TMEM275: variants seen among roughly 807,000 people sequenced by gnomAD.
TMEM275 encodes the protein transmembrane protein 275.
exon 2 of TMEM275, chr1:46,532,990 T>C: frequency 5.0e-6 from 2 of 396,206 alleles, no homozygotes; most frequent in Non-Finnish European, 8.9e-6. Context: ...GGGGCCCTGG[T>C]CCGCTAGGGG....
intron 1 of TMEM275, among the ~76,000 whole-genome samples, chr1:46,534,792 T>C (rs1666716660): frequency 6.6e-6 from 1 of 152,092 alleles, no homozygotes; most frequent in African/African-American, 2.4e-5. Flanking sequence ...AGTAATCAGA[T>C]GGTACCGCGG....
At position 46,534,526 on chromosome 1, in the gene TMEM275, C is replaced by A. The variant is rs970505335; in HGVS notation, c.-123-876G>T. Among the ~76,000 whole-genome samples the A allele has an allele frequency of 2.6e-5, 4 of 152,176 alleles. No individual in the cohort carries two copies. The highest frequency in any genetic ancestry group is 2.0e-4 in the Admixed American group (3 of 15,276). On this transcript the variant is annotated intron_variant, in intron 1 of 1. In the 5' UTR this introduces an upstream ATG that the reference lacks. Transcript: ENST00000634804. ...GCCTAATTGCTGGATGCTAGAATTC[C>A]TTTCTAGGATTCTCTAGATGTCTCT...
chr1:46,534,284 G>A (rs534802058), intron 1 of TMEM275, among the ~76,000 whole-genome samples, 171 bp downstream of exon 2: 1 of 152,154 alleles, frequency 6.6e-6, no homozygotes, highest in Non-Finnish European at 1.5e-5. Context: ...TGACTCTCCT[G>A]AACATCAGAT....
Position 46,533,050 on chromosome 1 carries a change from C to T in TMEM275, c.478G>A (p.Ala160Thr). 1 of 395,908 alleles carries T rather than the reference C, an allele frequency of 2.5e-6. No homozygotes were observed. Among genetic ancestry groups the T allele is most frequent in the East Asian group, 3.6e-5 (1 of 27,916 alleles). 24.5% of individuals were successfully genotyped at this position (395,908 alleles called of 1,614,324 possible). A position where few individuals can be genotyped will look rare whatever the true frequency, so the allele number is the denominator to read the frequency against. ...AGCTGGACTCCTTCCGAGCGCAGCG[C>T]GCAGACGGCCGCGGGCGCCGGGGCC... The change falls in exon 2 of 2, where the codon GCG becomes ACG. Residue 160 changes from alanine (A) to threonine (T), a missense_variant. Transcript: ENST00000634804. The surrounding 1 kb of genome is among the most constrained non-coding windows in gnomAD (Gnocchi z 4.4).
At chr1:46,534,704 G>A (rs1272313855) in intron 1 of TMEM275, among the ~76,000 whole-genome samples, 121 bp from the exon 2 acceptor site, 2 of 152,190 alleles carry the variant, frequency 1.3e-5, no homozygotes, top group Non-Finnish European at 2.9e-5. Flanking sequence ...CTCAAAGGAC[G>A]AGATCTTAGC....
chr1:46,533,360 C>T lies in TMEM275; in HGVS notation c.168G>A (p.Leu56=). The change falls in exon 2 of 2, where the codon TTG becomes TTA. Residue 56 remains leucine (L), a synonymous_variant. Transcript: ENST00000634804. This position sits in a 1 kb window ranked among gnomAD's most constrained non-coding sequence, Gnocchi z 4.4. ...CGACGAGCAGCGCGTTGTGCTCGGG[C>T]AAGAAGGAGGCGAAGGCGCCTGCCA... is the stretch of plus-strand genomic sequence containing the variant. 1 of 377,482 alleles carries T rather than the reference C, an allele frequency of 2.6e-6. No individual in the cohort carries two copies. Among genetic ancestry groups the T allele is most frequent in the Non-Finnish European group, 4.7e-6 (1 of 212,354 alleles). The allele number at this position is 377,482 out of a possible 1,614,324, so 23.4% of individuals were successfully genotyped here.
rs1181314474 is a variant in TMEM275, at chr1:46,533,162, C to T, written c.366G>A (p.Gln122=). ...GGCTGAGCTGCACGGCCGTGGTGTC[C>T]TGTGCCGTGGGCTCGCTGCTCTCCA... Residue 122 remains glutamine (Q), a synonymous_variant, in exon 2 of 2, where the codon CAG becomes CAA. Coordinates refer to ENST00000634804, the Ensembl canonical transcript of TMEM275. This position sits in a 1 kb window ranked among gnomAD's most constrained non-coding sequence, Gnocchi z 4.4. 1 of 384,076 alleles carries T rather than the reference C, an allele frequency of 2.6e-6. No homozygotes were observed. Among genetic ancestry groups the T allele is most frequent in the Non-Finnish European group, 4.6e-6 (1 of 217,700 alleles). 23.8% of individuals were successfully genotyped at this position (384,076 alleles called of 1,614,324 possible).
chr1:46,532,233 G>A (rs1666676380), exon 2 of TMEM275: 1 of 152,404 alleles, frequency 6.6e-6, no homozygotes, highest in Admixed American at 6.5e-5. Flanking sequence ...AGTCAGGGTG[G>A]GTGGGGGCCA....
rs540845390 is a variant in TMEM275, at chr1:46,535,336, C to T, written c.-123-1686G>A. Among the ~76,000 whole-genome samples the T allele has an allele frequency of 2.5e-4, 38 of 152,320 alleles. No individual in the cohort carries two copies. The highest frequency in any genetic ancestry group is 8.7e-4 in the African/African-American group (36 of 41,578). On this transcript the variant is annotated intron_variant, in intron 1 of 1. The change creates a new upstream start codon in the 5' untranslated region. Transcript: ENST00000634804. ...CCTACTGAGACTCTAGCCAGAATCA[C>T]CTTGTTGCCGTACCAAGCTGGCAGG... is the stretch of plus-strand genomic sequence containing the variant.
chr1:46,534,476 T>C (rs1168958644), intron 1 of TMEM275, among the ~76,000 whole-genome samples: 1 of 152,204 alleles, frequency 6.6e-6, no homozygotes, highest in African/African-American at 2.4e-5. Context: ...TCCCCATTGT[T>C]TTACTGTTGA....
exon 2 of TMEM275, chr1:46,532,863 T>TA (rs1368585667): frequency 2.1e-5 from 8 of 384,912 alleles, no homozygotes; most frequent in Non-Finnish European, 3.7e-5. Context: ...CAGACCCTTG[T>TA]AAAAAAGAAA....
rs1279685652 is a variant in TMEM275 at position 46,533,806 on chromosome 1, G to T, written c.-123-156C>A. Among the ~76,000 whole-genome samples, 1 of 152,320 alleles carries T rather than the reference G, an allele frequency of 6.6e-6. No individual in the cohort carries two copies. Among genetic ancestry groups the T allele is most frequent in the East Asian group, 1.9e-4 (1 of 5,184 alleles). ...GGAAGCAACAAACCATCCCATATGT[G>T]AAGAATCGACTTGTTTCCCCACCTA... On this transcript the variant is annotated intron_variant, in intron 1 of 1. Coordinates refer to ENST00000634804, the Ensembl canonical transcript of TMEM275. This position sits in a 1 kb window ranked among gnomAD's most constrained non-coding sequence, Gnocchi z 4.4.
rs373079079 is a variant in TMEM275 at position 46,535,015 on chromosome 1, T to C, written c.-123-1365A>G. 4.6e-5 allele frequency among the ~76,000 whole-genome samples: 7 copies of C among 152,308 alleles called. No homozygotes were observed. The East Asian group carries it at 7.7e-4, about 17-fold the overall frequency. On this transcript the variant is annotated intron_variant, in intron 1 of 1. Transcript: ENST00000634804. ...GTTAACCATGCCCTTGTGGTGCTGG[T>C]TGACAGAGAAGGGAGTCATGAAGTC...
At chr1:46,532,794 A>G (rs1245565209) in exon 2 of TMEM275, 4 of 376,198 alleles carry the variant, frequency 1.1e-5, no homozygotes, top group Non-Finnish European at 1.9e-5. Context: ...TGACACCATC[A>G]CCACATTCTA....
chr1:46,533,678 T>C lies in TMEM275; in HGVS notation c.-123-28A>G. The C allele has an allele frequency of 2.7e-6, 1 of 368,970 alleles. No individual in the cohort carries two copies. The allele number at this position is 368,970 out of a possible 1,614,324, so 22.9% of individuals were successfully genotyped here. The stretch of plus-strand genomic sequence containing the variant: ...GTGGGCACACAGCAAGAGGGCGGCG[T>C]CAGCAGGGTATCTTGACCTCCAGTC... On this transcript the variant is annotated intron_variant, in intron 1 of 1. Transcript: ENST00000634804. This position sits in a 1 kb window ranked among gnomAD's most constrained non-coding sequence, Gnocchi z 4.4.
chr1:46,532,868 A>C (rs1557798219), exon 2 of TMEM275: 1 of 385,690 alleles, frequency 2.6e-6, no homozygotes, highest in Non-Finnish European at 4.6e-6. Flanking sequence ...CCTTGTAAAA[A>C]AGAAAGGAAG....
Position 46,534,412 on chromosome 1 carries a change from G to C in TMEM275, c.-123-762C>G, listed in dbSNP as rs545445778. ...GGGCTGGAGCAGATCTAAAGCACCA[G>C]GGCCCTTTCTAGACTGGGCATTCTA... is the stretch of plus-strand genomic sequence containing the variant. On this transcript the variant is annotated intron_variant, in intron 1 of 1. Transcript: ENST00000634804. 6.6e-5 allele frequency among the ~76,000 whole-genome samples: 10 copies of C among 152,244 alleles called. No homozygotes were observed. The East Asian group carries it at 1.9e-3, about 29-fold the overall frequency.
rs995758506 is a variant in TMEM275 at position 46,533,218 on chromosome 1, C to T, written c.310G>A (p.Gly104Ser). Reference sequence around the variant, plus strand: ...AGCGCCACGGGCCCGGCGCGGCCGCCACCCTGGCCCGGGCCCGCCGCGGCC... The same window carrying T: ...AGCGCCACGGGCCCGGCGCGGCCGCTACCCTGGCCCGGGCCCGCCGCGGCC... The change falls in exon 2 of 2, where the codon GGC (glycine) becomes AGC (serine). Residue 104 changes from glycine to serine, a missense_variant. Coordinates refer to ENST00000634804, the Ensembl canonical transcript of TMEM275. The surrounding 1 kb of genome is among the most constrained non-coding windows in gnomAD (Gnocchi z 4.4). 1 of 348,566 alleles carries T rather than the reference C, an allele frequency of 2.9e-6. No homozygotes were observed. The highest frequency in any genetic ancestry group is 2.2e-5 in the African/African-American group (1 of 46,382). 21.6% of individuals were successfully genotyped at this position (348,566 alleles called of 1,614,324 possible).
chr1:46,533,102 G>C lies in TMEM275; in HGVS notation c.426C>G (p.Ser142Arg). 2.5e-6 allele frequency: 1 copy of C among 392,248 alleles called. No individual in the cohort carries two copies. Among genetic ancestry groups the C allele is most frequent in the Non-Finnish European group, 4.5e-6 (1 of 222,242 alleles). The allele number at this position is 392,248 out of a possible 1,614,324, so 24.3% of individuals were successfully genotyped here. The change falls in exon 2 of 2, where the codon AGC (serine) becomes AGG (arginine). Residue 142 changes from serine to arginine, a missense_variant. By Grantham distance (110) the Ser-to-Arg change is moderately radical (BLOSUM62 -1). Transcript: ENST00000634804. This position sits in a 1 kb window ranked among gnomAD's most constrained non-coding sequence, Gnocchi z 4.4. ...CCAGGGCGAGGGGGCTGGGGCCGGG[G>C]CTGGAGCAGCCGGAGGACGCGGCGG...
Sources: gnomAD v4.1 joint callset for allele counts (sites outside exome capture counted in the v4.1 genomes callset) on GRCh38, gnomAD v4.1.1 for gene constraint, Gnocchi (gnomAD v3.1) non-coding constraint, MANE v1.5 for transcripts, NCBI Gene and HGNC (gene_info 2026-07-23, HGNC 2026-07-21) for gene names.